The following PPP2R5C variants were observed in gnomAD, a reference collection of about 807,000 sequenced individuals.
PPP2R5C encodes serine/threonine-protein phosphatase 2A 56 kDa regulatory subunit gamma isoform.
Under a neutral mutation model 68.9 loss-of-function variants are expected in PPP2R5C, and 7 were observed. The observed-to-expected ratio is 0.10, with a 90% CI of 0.06 to 0.19. The LOEUF (loss-of-function observed/expected upper bound fraction) is 0.19. Ranked by LOEUF, PPP2R5C falls within the 10% of genes least tolerant of loss-of-function variation. The pLI, the probability that PPP2R5C is intolerant of heterozygous loss-of-function variation, is 1.00. For missense variants in PPP2R5C, 348 were observed against 641.3 expected (o/e 0.54, Z 4.94); for synonymous variants, 210 against 222.2 (o/e 0.95, Z 0.49).
intron 9 of PPP2R5C, among the ~76,000 whole-genome samples, chr14:101,902,768 G>A (rs1282569650): frequency 6.6e-6 from 1 of 152,128 alleles, no homozygotes; most frequent in African/African-American, 2.4e-5. Context: ...TCCAAACTGA[G>A]CCTTTCAAGA....
Position 101,788,479 on chromosome 14 carries a change from G to C in PPP2R5C, c.259+2296G>C, listed in dbSNP as rs995613912. ...GCATACTTCCTTTACCTCTTCTGAG[G>C]AGTCGCTGCACAAGCCTCTTTCTAC... On this transcript the variant is annotated intron_variant, in intron 3 of 14. Transcript: ENST00000328724. 3.9e-5 allele frequency among the ~76,000 whole-genome samples: 6 copies of C among 152,194 alleles called. No individual in the cohort carries two copies. The East Asian group carries it at 1.2e-3, about 29-fold the overall frequency.
intron 2 of PPP2R5C, among the ~76,000 whole-genome samples, chr14:101,780,029 A>AT (rs2037599995): frequency 6.6e-6 from 1 of 152,140 alleles, no homozygotes; most frequent in Admixed American, 6.5e-5. Context: ...ATCTTGTCTT[A>AT]TCCAGGCCTC....
chr14:101,765,208 G>A, intron 2 of PPP2R5C: 1 of 702,768 alleles, frequency 1.4e-6, no homozygotes, highest in Non-Finnish European at 2.6e-6. Flanking sequence ...TGAAAACACT[G>A]AAATGTTGGG....
At chr14:101,831,019 A>G (rs2040701958) in intron 1 of PPP2R5C, among the ~76,000 whole-genome samples, 1 of 152,178 alleles carries the variant, frequency 6.6e-6, no homozygotes, top group African/African-American at 2.4e-5. Context: ...TGATCCTGTT[A>G]TAGCTGGTGG....
rs1241065655 is a variant in PPP2R5C, at chr14:101,916,701, C to G, written c.1327-1130C>G. ...CTCTGGGCTGGCAGGGTGTGAGGGG[C>G]AGGGGTGAGGGGGCAGGGGGTGAGA... is the stretch of plus-strand genomic sequence containing the variant. On this transcript the variant is annotated intron_variant, in intron 12 of 13. Coordinates refer to ENST00000334743, the Ensembl canonical transcript of PPP2R5C. The surrounding 1 kb of genome is among the most constrained non-coding windows in gnomAD (Gnocchi z 5.5). Among the ~76,000 whole-genome samples the G allele has an allele frequency of 2.1e-3, 124 of 59,776 alleles. No homozygotes were observed. Among genetic ancestry groups the G allele is most frequent in the Non-Finnish European group, 3.3e-3 (106 of 32,340 alleles). The allele number at this position is 59,776 out of a possible 152,430, so 39.2% of individuals were successfully genotyped here.
intron 2 of PPP2R5C, among the ~76,000 whole-genome samples, chr14:101,865,932 T>C (rs1231617899): frequency 2.0e-5 from 3 of 152,194 alleles, no homozygotes; most frequent in African/African-American, 7.2e-5. Flanking sequence ...GACAGAGTCT[T>C]TCTCTGTCGC....
chr14:101,809,003 T>G (rs906697921), upstream of PPP2R5C, among the ~76,000 whole-genome samples: 2 of 152,246 alleles, frequency 1.3e-5, no homozygotes, highest in African/African-American at 4.8e-5. Flanking sequence ...TAGATCTGAA[T>G]AGCAGCTTTT....
At chr14:101,843,798 C>T (rs150914996) in intron 1 of PPP2R5C, 8 of 225,024 alleles carry the variant, frequency 3.6e-5, no homozygotes, top group Admixed American at 1.3e-4. Context: ...AGGGGGAGAT[C>T]GCTTTCCAGA....
At chr14:101,823,396 A>G (rs1276511874) in intron 1 of PPP2R5C, among the ~76,000 whole-genome samples, 1 of 152,198 alleles carries the variant, frequency 6.6e-6, no homozygotes, top group African/African-American at 2.4e-5. Flanking sequence ...CATCTCTTCT[A>G]GGGTTTTTCA....
At chr14:101,909,931 T>C (rs770458317) in intron 11 of PPP2R5C, among the ~76,000 whole-genome samples, 23 of 152,250 alleles carry the variant, frequency 1.5e-4, no homozygotes, top group Non-Finnish European at 3.2e-4. Context: ...AAAGTGCTTA[T>C]GTAAGCAAGA....
chr14:101,799,099 G>A (rs566166832), intron 3 of PPP2R5C, among the ~76,000 whole-genome samples: 2 of 152,308 alleles, frequency 1.3e-5, no homozygotes, highest in East Asian at 3.9e-4. Flanking sequence ...CCATTCTGTA[G>A]GAGCTGGACC....
At chr14:101,861,618 G>T (rs1280481762) in intron 2 of PPP2R5C, among the ~76,000 whole-genome samples, 1 of 152,168 alleles carries the variant, frequency 6.6e-6, no homozygotes, top group African/African-American at 2.4e-5. Context: ...CATGACCCTT[G>T]TGCACACATG....
intron 12 of PPP2R5C, among the ~76,000 whole-genome samples, chr14:101,914,971 A>C (rs1274006640): frequency 1.3e-5 from 2 of 152,216 alleles, no homozygotes; most frequent in Non-Finnish European, 2.9e-5. Context: ...TGAGCAACCC[A>C]GGGCAGGGTC....
intron 2 of PPP2R5C, among the ~76,000 whole-genome samples, chr14:101,860,286 T>G (rs1192627888): frequency 6.6e-6 from 1 of 152,164 alleles, no homozygotes; most frequent in Non-Finnish European, 1.5e-5. Flanking sequence ...TTCATGTAAG[T>G]GGAATTACAG....
At chr14:101,848,103 T>C (rs1054071881) in intron 1 of PPP2R5C, among the ~76,000 whole-genome samples, 1 of 152,248 alleles carries the variant, frequency 6.6e-6, no homozygotes, top group Non-Finnish European at 1.5e-5. Context: ...ATCTTTCTTT[T>C]AAGAGAGAAT....
chr14:101,836,140 T>C (rs557934827), intron 1 of PPP2R5C: 1 of 679,338 alleles, frequency 1.5e-6, no homozygotes, highest in East Asian at 2.7e-5. Context: ...TGAGATTTCC[T>C]AGCAGCTGAA....
At chr14:101,816,564 G>A (rs1052238076) in intron 1 of PPP2R5C, among the ~76,000 whole-genome samples, 1 of 152,096 alleles carries the variant, frequency 6.6e-6, no homozygotes, top group Non-Finnish European at 1.5e-5. Flanking sequence ...TGGAGAAAGT[G>A]GAGTGCAGAA....
intron 1 of PPP2R5C, among the ~76,000 whole-genome samples, chr14:101,852,015 C>G (rs1188635832): frequency 1.3e-5 from 2 of 152,162 alleles, no homozygotes; most frequent in Non-Finnish European, 2.9e-5. Flanking sequence ...CCGTTTAGGA[C>G]TCATTTACAA....
intron 1 of PPP2R5C, among the ~76,000 whole-genome samples, chr14:101,842,205 A>G (rs1595348323): frequency 6.6e-6 from 1 of 152,128 alleles, no homozygotes; most frequent in Non-Finnish European, 1.5e-5. Context: ...GGAAAAATGA[A>G]CCTTTTAGCT....
Sources: gnomAD v4.1 joint callset for allele counts (sites outside exome capture counted in the v4.1 genomes callset) on GRCh38, gnomAD v4.1.1 for gene constraint, Gnocchi (gnomAD v3.1) non-coding constraint, MANE v1.5 for transcripts, NCBI Gene and HGNC (gene_info 2026-07-23, HGNC 2026-07-21) for gene names.